The following PWWP2A variants were observed in gnomAD, a reference collection of about 807,000 sequenced individuals.
PWWP2A encodes PWWP domain-containing protein 2A.
In PWWP2A, 18 loss-of-function variants were observed where a neutral mutation model predicts 48.5. That is an observed-to-expected ratio of 0.37 (90% confidence interval 0.26 to 0.55). The LOEUF (loss-of-function observed/expected upper bound fraction) is 0.55. Among genes scored for constraint, PWWP2A ranks in the 20% least tolerant of loss-of-function variants. The pLI is 0.81. For missense variants in PWWP2A, 867 were observed against 976.4 expected (o/e 0.89, Z 1.49); for synonymous variants, 396 against 387.7 (o/e 1.02, Z -0.25).
At chr5:160,067,245 T>C (rs4540217) in intron 2 of PWWP2A, among the ~76,000 whole-genome samples, 102,316 of 151,912 alleles carry the variant, frequency 0.67, 34,483 homozygotes, top group East Asian at 0.73. Context: ...AAAAATAGAC[T>C]CTTTAATTTT....
downstream of PWWP2A, among the ~76,000 whole-genome samples, chr5:160,088,031 T>C (rs1215523521): frequency 2.6e-5 from 4 of 152,236 alleles, no homozygotes; most frequent in Non-Finnish European, 5.9e-5. Flanking sequence ...GCTAATGCTT[T>C]CATTTTTTAA....
intron 4 of PWWP2A, chr5:160,065,141 A>C (rs1337009019): frequency 3.3e-5 from 51 of 1,560,648 alleles, no homozygotes; most frequent in Non-Finnish European, 4.0e-5. Context: ...AGGCCCTGCC[A>C]ATGTTTAACT....
intron 1 of PWWP2A, chr5:160,105,774 CAAA>C (rs549595565): frequency 9.9e-4 from 65 of 65,424 alleles, no homozygotes; most frequent in Non-Finnish European, 1.5e-3. Context: ...GACGCCATCT[CAAA>C]AAAAAAAAAA....
intron 1 of PWWP2A, among the ~76,000 whole-genome samples, chr5:160,116,250 T>C (rs1020462071): frequency 6.6e-6 from 1 of 151,992 alleles, no homozygotes; most frequent in Non-Finnish European, 1.5e-5. Context: ...AGAGACAGGG[T>C]TTCACCATGT....
downstream of PWWP2A, among the ~76,000 whole-genome samples, chr5:160,087,105 G>A (rs1339197947): frequency 2.6e-5 from 4 of 152,078 alleles, no homozygotes; most frequent in African/African-American, 4.8e-5. Flanking sequence ...GGCCGAGCAC[G>A]GTGGCTCATG....
chr5:160,048,513 T>C, the PWWP2A span, among the ~76,000 whole-genome samples: 1 of 152,152 alleles, frequency 6.6e-6, no homozygotes, highest in Non-Finnish European at 1.5e-5. Context: ...AAATGCAGTA[T>C]GTTGAACCAA....
chr5:160,119,207 G>A lies in PWWP2A; in HGVS notation c.182C>T (p.Pro61Leu). The A allele has an allele frequency of 1.4e-6, 2 of 1,451,158 alleles. No individual in the cohort carries two copies. Among genetic ancestry groups the A allele is most frequent in the East Asian group, 2.8e-5 (1 of 36,284 alleles). The allele number at this position is 1,451,158 out of a possible 1,614,324, so 89.9% of individuals were successfully genotyped here. A position where few individuals can be genotyped will look rare whatever the true frequency, so the allele number is the denominator to read the frequency against. Residue 61 changes from proline (P) to leucine (L), a missense_variant, in exon 1 of 2, where the codon CCT becomes CTT. Coordinates refer to ENST00000307063, the MANE Select transcript of PWWP2A (RefSeq NM_001130864.2). ...DGETDGQQSA[P>L]QADEPPLPPP... is the part of the protein sequence containing the mutation. Reference sequence around the variant, plus strand: ...CGGGAGCGGCGGCTCGTCGGCCTGAGGAGCGGATTGCTGCCCGTCAGTCTC... The same window carrying A: ...CGGGAGCGGCGGCTCGTCGGCCTGAAGAGCGGATTGCTGCCCGTCAGTCTC...
At chr5:160,097,706 T>A (rs75433133) in intron 1 of PWWP2A, among the ~76,000 whole-genome samples, 1,582 of 108,060 alleles carry the variant, frequency 0.015, 47 homozygotes, top group African/African-American at 0.05. Flanking sequence ...GTTTTTTTTT[T>A]GGGGGGGGGG....
chr5:160,112,630 T>G (rs1757706845), intron 1 of PWWP2A, among the ~76,000 whole-genome samples: 1 of 151,912 alleles, frequency 6.6e-6, no homozygotes, highest in African/African-American at 2.4e-5. Context: ...GAAAGCTACC[T>G]AGAAGATAGA....
chr5:160,051,769 T>C, the PWWP2A span, among the ~76,000 whole-genome samples: 3 of 152,332 alleles, frequency 2.0e-5, no homozygotes, highest in East Asian at 3.9e-4. Flanking sequence ...ACGAGCAATC[T>C]GCTTAAGTAA....
At chr5:160,109,058 A>T (rs981909007) in intron 1 of PWWP2A, among the ~76,000 whole-genome samples, 1 of 152,190 alleles carries the variant, frequency 6.6e-6, no homozygotes, top group Non-Finnish European at 1.5e-5. Flanking sequence ...ATCTCAGCTC[A>T]CTGCGACCTC....
chr5:160,112,126 CAAAAAAAA>C (rs11480893), intron 1 of PWWP2A, among the ~76,000 whole-genome samples: 5 of 90,880 alleles, frequency 5.5e-5, no homozygotes, highest in African/African-American at 2.2e-4. Context: ...GACCCTTTCT[CAAAAAAAA>C]AAAAAAAAAA....
At chr5:160,082,703 C>T (rs1754333385) in intron 2 of PWWP2A, among the ~76,000 whole-genome samples, 1 of 152,122 alleles carries the variant, frequency 6.6e-6, no homozygotes, top group Non-Finnish European at 1.5e-5. Flanking sequence ...TAATCTTCCC[C>T]TCAATGCTTT....
chr5:160,093,241 AG>A lies in PWWP2A; in HGVS notation c.1408del (p.Leu470PhefsTer7). ...TGGTTTTAAACGAACCCGGGGTGGA[AG>A]GGAACCTGAGCTAGGATTCTGATAT... is the stretch of plus-strand genomic sequence containing the variant. Reference protein sequence around the residue: ...RRYQNPSSGSLPPRVRLKPQR... With the variant: ...RRYQNPSSGSXPPRVRLKPQR... On this transcript the variant is annotated frameshift_variant, in exon 2 of 2. Coordinates refer to ENST00000307063, the MANE Select transcript of PWWP2A (RefSeq NM_001130864.2). LOFTEE classifies it high-confidence loss of function. This position sits in a 1 kb window ranked among gnomAD's most constrained non-coding sequence, Gnocchi z 5.8. The A allele has an allele frequency of 6.2e-7, 1 of 1,614,038 alleles. No individual in the cohort carries two copies. The highest frequency in any genetic ancestry group is 8.5e-7 in the Non-Finnish European group (1 of 1,179,898).
intron 1 of PWWP2A, chr5:160,108,691 G>C (rs565980368): frequency 1.3e-6 from 1 of 776,484 alleles, no homozygotes; most frequent in South Asian, 1.4e-5. Context: ...TTGCTTTCAA[G>C]AACTTAGTGA....
chr5:160,109,768 AAAAAAAATAT>A (rs1327973418), intron 1 of PWWP2A, among the ~76,000 whole-genome samples: 865 of 52,614 alleles, frequency 0.016, 9 homozygotes, highest in African/African-American at 0.018. Context: ...AAAAAAAAAA[AAAAAAAATAT>A]ATATATATAT....
rs756235468 is a variant in PWWP2A at position 160,119,019 on chromosome 5, G to A, written c.370C>T (p.Pro124Ser). Residue 124 changes from proline to serine, a missense_variant, in exon 1 of 2, where the codon CCC becomes TCC. Physicochemically the swap from Pro to Ser is moderately conservative, Grantham distance 74 (BLOSUM62 -1). Around this residue, in one of 4 missense-constraint regions of PWWP2A, gnomAD observed 385 missense variants for 396.9 expected, o/e 0.97. Transcript: ENST00000307063. ...TCCTCGCGCTCCTCGGGAGCCGGGG[G>A]CTGCTCCGGCGGCGATGCAGGAGAA... The part of the protein sequence containing the change: ...PPSPASPPEQ[P>S]PAPEEREEPP... 8.8e-6 allele frequency: 14 copies of A among 1,598,930 alleles called. No individual in the cohort carries two copies. Among genetic ancestry groups the A allele is most frequent in the South Asian group, 2.2e-5 (2 of 90,276 alleles).
intron 1 of PWWP2A, among the ~76,000 whole-genome samples, chr5:160,095,070 A>AAAAAAAAAAAAAAC (rs1755487414): frequency 6.7e-6 from 1 of 148,818 alleles, no homozygotes; most frequent in African/African-American, 2.5e-5. Context: ...AAAAAAAAAA[A>AAAAAAAAAAAAAAC]AAAAAAAGAC....
In PWWP2A at chr5:160,092,380, G is replaced by A. The variant is rs1199527706; in HGVS notation, c.*2C>T. 1.3e-6 allele frequency: 2 copies of A among 1,533,822 alleles called. No individual in the cohort carries two copies. Among genetic ancestry groups the A allele is most frequent in the Non-Finnish European group, 1.8e-6 (2 of 1,139,622 alleles). On this transcript the variant is annotated 3_prime_UTR_variant, in exon 2 of 2. Coordinates refer to ENST00000307063, the MANE Select transcript of PWWP2A (RefSeq NM_001130864.2). The stretch of plus-strand genomic sequence containing the variant: ...TGGTCTTGCCTACCTTACTGCCCAT[G>A]TTCACGTTTCAAACTGTGTCAACAA...
Sources: gnomAD v4.1 joint callset for allele counts (sites outside exome capture counted in the v4.1 genomes callset) on GRCh38, gnomAD v4.1.1 for gene constraint, gnomAD v4.1.1 regional missense constraint, Gnocchi (gnomAD v3.1) non-coding constraint, MANE v1.5 for transcripts, NCBI Gene and HGNC (gene_info 2026-07-23, HGNC 2026-07-21) for gene names.